C20orf96: variants seen among roughly 807,000 people sequenced by gnomAD.
C20orf96 encodes uncharacterized protein C20orf96.
In C20orf96, 57 loss-of-function variants were observed where a neutral mutation model predicts 52.6. The ratio of observed to expected loss-of-function variants is 1.08; its 90% confidence interval spans 0.88 to 1.35. The LOEUF (loss-of-function observed/expected upper bound fraction) is 1.35. C20orf96 is among the 40% of genes most tolerant of loss of function. The pLI, the probability that C20orf96 is intolerant of heterozygous loss-of-function variation, is 0.00. For synonymous variants in C20orf96, 168 were observed against 157.2 expected (o/e 1.07, Z -0.51); for missense variants, 478 against 443.6 (o/e 1.08, Z -0.70).
intron 3 of C20orf96, among the ~76,000 whole-genome samples, chr20:287,305 G>A (rs6075732): frequency 2.6e-5 from 4 of 152,002 alleles, no homozygotes; most frequent in South Asian, 2.1e-4. Context: ...ACAATCTGAC[G>A]TCTCCTCTTT....
chr20:289,600 A>G lies in C20orf96; in HGVS notation c.146T>C (p.Leu49Pro). 6.2e-7 allele frequency: 1 copy of G among 1,614,034 alleles called. No homozygotes were observed. Among genetic ancestry groups the G allele is most frequent in the Non-Finnish European group, 8.5e-7 (1 of 1,179,972 alleles). ...TLPPVQQANS[L>P]HTSKMKTLTR... ...CAAAGTCTTCATTTTGCTTGTATGA[A>G]GGCTGTTGGCTTGTTGGACTGGAGG... The change falls in exon 3 of 11, where the codon CTT becomes CCT. Residue 49 changes from leucine to proline, a missense_variant. Coordinates refer to ENST00000360321, the MANE Select transcript of C20orf96 (RefSeq NM_153269.3).
At position 278,329 on chromosome 20, in the gene C20orf96, C is replaced by G; in HGVS notation, c.565+1G>C. The G allele has an allele frequency of 1.9e-6, 3 of 1,611,972 alleles. No homozygotes were observed. The highest frequency in any genetic ancestry group is 1.7e-6 in the Non-Finnish European group (2 of 1,178,056). On this transcript the variant is annotated splice_donor_variant, in intron 6 of 10. Coordinates refer to ENST00000360321, the MANE Select transcript of C20orf96 (RefSeq NM_153269.3). LOFTEE classifies it high-confidence loss of function. ...TCAAGGAATTTGCCAGGGATTCTTA[C>G]AGCTCATCTTGCATTTCTTCTTTTC...
intron 4 of C20orf96, among the ~76,000 whole-genome samples, chr20:283,651 A>G (rs1379225335): frequency 6.6e-6 from 1 of 151,976 alleles, no homozygotes; most frequent in Non-Finnish European, 1.5e-5. Flanking sequence ...TCGTGTTCCT[A>G]ATGCAACAAA....
At chr20:285,730 C>T (rs746764577) in intron 3 of C20orf96, among the ~76,000 whole-genome samples, 1 of 152,052 alleles carries the variant, frequency 6.6e-6, no homozygotes, top group Non-Finnish European at 1.5e-5. Context: ...AACAGGTGCC[C>T]GCCACCACAC....
chr20:277,966 G>A (rs2012084676), intron 6 of C20orf96, among the ~76,000 whole-genome samples: 1 of 152,212 alleles, frequency 6.6e-6, no homozygotes, highest in Non-Finnish European at 1.5e-5. Context: ...AGGAAACAGA[G>A]CCAGGCTAGG....
Position 277,288 on chromosome 20 carries a change from T to A in C20orf96, c.661A>T (p.Ile221Phe). ...LSTYMDHEYS[I>F]KSVQISTLMR... ...AGAGTGGAGATCTGGACAGACTTGA[T>A]GGAATACTCATGGTCCATGTAAGTG... Residue 221 changes from isoleucine (I) to phenylalanine (F), a missense_variant, in exon 7 of 11, where the codon ATC becomes TTC. Physicochemically the swap from Ile to Phe is conservative, Grantham distance 21. Transcript: ENST00000360321. 1 of 1,614,148 alleles carries A rather than the reference T, an allele frequency of 6.2e-7. No homozygotes were observed. Among genetic ancestry groups the A allele is most frequent in the Non-Finnish European group, 8.5e-7 (1 of 1,180,032 alleles).
intron 3 of C20orf96, among the ~76,000 whole-genome samples, chr20:286,031 C>A (rs2012376468): frequency 6.6e-6 from 1 of 152,086 alleles, no homozygotes; most frequent in Non-Finnish European, 1.5e-5. Flanking sequence ...TTTAATTAAC[C>A]AAGTTCCAAA....
At chr20:288,779 T>C (rs745329336) in intron 3 of C20orf96, among the ~76,000 whole-genome samples, 1 of 152,216 alleles carries the variant, frequency 6.6e-6, no homozygotes, top group Non-Finnish European at 1.5e-5. Context: ...TACATAGATG[T>C]ATACATAAGT....
Position 290,702 on chromosome 20 carries a change from A to T in C20orf96, c.-92T>A. ...TTCCAACTTCCTTGTCTCAGTGTAG[A>T]TCGCGCGGTAACCCAGGCCACTCAG... On this transcript the variant is annotated 5_prime_UTR_variant, in exon 1 of 11. Transcript: ENST00000360321. 1.3e-6 allele frequency: 2 copies of T among 1,517,214 alleles called. No homozygotes were observed. Among genetic ancestry groups the T allele is most frequent in the Admixed American group, 1.9e-5 (1 of 53,202 alleles). 94.0% of individuals were successfully genotyped at this position (1,517,214 alleles called of 1,614,324 possible).
In C20orf96 at chr20:283,428, C is replaced by T. The variant is rs368844593; in HGVS notation, c.306+535G>A. Among the ~76,000 whole-genome samples the T allele has an allele frequency of 1.3e-4, 20 of 152,010 alleles. No homozygotes were observed. In the South Asian group the frequency reaches 2.5e-3, roughly 19 times the overall value. ...AAGCCGGTCTCCTGCCTCAGCCTCC[C>T]GAGTAGCTGGGACTACAGGTGCGTG... is the stretch of plus-strand genomic sequence containing the variant. On this transcript the variant is annotated intron_variant, in intron 4 of 10. Coordinates refer to ENST00000360321, the MANE Select transcript of C20orf96 (RefSeq NM_153269.3).
intron 9 of C20orf96, 77 bp from the exon 10 acceptor site, chr20:276,163 G>A (rs1010270329): frequency 1.5e-5 from 24 of 1,604,150 alleles, no homozygotes; most frequent in African/African-American, 6.7e-5. Context: ...CAAAATGAAC[G>A]AGGAGCAAAG....
chr20:278,908 C>G (rs943905979), intron 5 of C20orf96, among the ~76,000 whole-genome samples: 1 of 61,508 alleles, frequency 1.6e-5, no homozygotes, highest in African/African-American at 7.2e-5. Flanking sequence ...CGGGGAAAGG[C>G]AGGAGAGGGC....
Position 290,291 on chromosome 20 carries a change from T to G in C20orf96, c.37A>C (p.Thr13Pro). ...TGGAACTCCTGGACTATGGAGTGAG[T>G]CCCAGAGTGCTTGGGTCTGGAAAGA... The part of the protein sequence containing the change: ...HVLQKPKHSG[T>P]HSIVQEFQVP... The change falls in exon 2 of 11, where the codon ACT (threonine) becomes CCT (proline). Residue 13 changes from threonine to proline, a missense_variant. Thr to Pro is a conservative substitution (Grantham distance 38). Transcript: ENST00000360321. 1 of 1,612,804 alleles carries G rather than the reference T, an allele frequency of 6.2e-7. No homozygotes were observed. Among genetic ancestry groups the G allele is most frequent in the Middle Eastern group, 1.7e-4 (1 of 6,060 alleles).
At chr20:282,946 T>C (rs2012289920) in intron 4 of C20orf96, among the ~76,000 whole-genome samples, 1 of 152,148 alleles carries the variant, frequency 6.6e-6, no homozygotes, top group Admixed American at 6.5e-5. Context: ...TCTAAACCAT[T>C]TTGCAAGATA....
At chr20:276,241 T>C (rs1216898852) in intron 9 of C20orf96, 155 bp from the exon 10 acceptor site, 1 of 985,300 alleles carries the variant, frequency 1.0e-6, no homozygotes, top group Admixed American at 6.1e-5. Flanking sequence ...GACTTCCCCA[T>C]GCAAGGTGCG....
chr20:276,174 C>G (rs1445429165), intron 9 of C20orf96, 88 bp from the exon 10 acceptor site: 2 of 1,598,084 alleles, frequency 1.3e-6, no homozygotes, highest in Non-Finnish European at 1.7e-6. Context: ...AGGAGCAAAG[C>G]TATCTGGGGA....
Position 277,119 on chromosome 20 carries a change from C to A in C20orf96, c.750G>T (p.Met250Ile). Residue 250 changes from methionine (M) to isoleucine (I), a missense_variant, in exon 8 of 11, where the codon ATG becomes ATT. Physicochemically the swap from Met to Ile is conservative, Grantham distance 10. Transcript: ENST00000360321. ...QQDELDDLGE[M>I]RRKVLESLSD... ...ACAAGGATTCCAGGACCTTTCTGCG[C>A]ATCTCACCGAGGTCATCCAGCTCAT... 1 of 1,613,928 alleles carries A rather than the reference C, an allele frequency of 6.2e-7. No homozygotes were observed. Among genetic ancestry groups the A allele is most frequent in the Non-Finnish European group, 8.5e-7 (1 of 1,179,902 alleles).
chr20:287,257 G>A (rs145799913), intron 3 of C20orf96, among the ~76,000 whole-genome samples: 1 of 152,340 alleles, frequency 6.6e-6, no homozygotes, highest in East Asian at 1.9e-4. Flanking sequence ...TGTTTCCAGA[G>A]AGGCTGCATC....
rs6046368 is a variant in C20orf96, at chr20:277,065, T to C, written c.804A>G (p.Lys268=). Residue 268 remains lysine, a synonymous_variant, in exon 8 of 11, where the codon AAA becomes AAG. Coordinates refer to ENST00000360321, the MANE Select transcript of C20orf96 (RefSeq NM_153269.3). ...TCACCGCCACCACAGAACTCAGAAT[T>C]TTTTTCTTCTTCTTCTGAATCTTGT... The part of the protein sequence containing the change: ...LSDKIQKKKK[K]ILSSVVAETQ... 6 of 1,613,612 alleles carry C rather than the reference T, an allele frequency of 3.7e-6. No homozygotes were observed. Among genetic ancestry groups the C allele is most frequent in the Non-Finnish European group, 5.1e-6 (6 of 1,179,792 alleles).
Sources: gnomAD v4.1 joint callset for allele counts (sites outside exome capture counted in the v4.1 genomes callset) on GRCh38, gnomAD v4.1.1 for gene constraint, MANE v1.5 for transcripts, NCBI Gene and HGNC (gene_info 2026-07-23, HGNC 2026-07-21) for gene names.